MN1: variants seen among roughly 807,000 people sequenced by gnomAD.
MN1 encodes MN1 proto-oncogene, transcriptional regulator.
In MN1, 19 loss-of-function variants were observed where a neutral mutation model predicts 86.9. The ratio of observed to expected loss-of-function variants is 0.22; its 90% confidence interval spans 0.15 to 0.32. MN1 has a LOEUF of 0.32. Among genes scored for constraint, MN1 ranks in the 10% least tolerant of loss-of-function variants. The probability of loss-of-function intolerance (pLI) is 1.00; values close to 1 mark genes in which losing one functional copy is unlikely to be tolerated. For synonymous variants in MN1, 928 were observed against 849.6 expected (o/e 1.09, Z -1.60); for missense variants, 1,841 against 1,862.0 (o/e 0.99, Z 0.21).
Position 27,797,800 on chromosome 22 carries a change from C to T in MN1, c.2744G>A (p.Gly915Asp), listed in dbSNP as rs760644666. ...GGTGTAGTTGGGGGAGAGGCTGGTGCCGTCCCCCTGGGCTGGAGGGTTGGG... is the reference window on the plus strand; with the variant it reads ...GGTGTAGTTGGGGGAGAGGCTGGTGTCGTCCCCCTGGGCTGGAGGGTTGGG... ...GPPNPPAQGD[G>D]TSLSPNYTLE... The change falls in exon 1 of 2, where the codon GGC (glycine) becomes GAC (aspartate). Residue 915 changes from glycine (G) to aspartate (D), a missense_variant. Transcript: ENST00000302326. 3 of 1,595,366 alleles carry T rather than the reference C, an allele frequency of 1.9e-6. No homozygotes were observed. Among genetic ancestry groups the T allele is most frequent in the Non-Finnish European group, 2.6e-6 (3 of 1,172,954 alleles).
Position 27,797,948 on chromosome 22 carries a change from C to A in MN1, c.2596G>T (p.Asp866Tyr). Reference protein sequence around the residue: ...GKRKLSQNETDGAAVAGNPGS... With the variant: ...GKRKLSQNETYGAAVAGNPGS... ...GGGTTGCCGGCCACTGCCGCGCCGT[C>A]GGTCTCGTTCTGGCTCAGTTTCCTC... Residue 866 changes from aspartate (D) to tyrosine (Y), a missense_variant, in exon 1 of 2, where the codon GAC (aspartate) becomes TAC (tyrosine). Asp to Tyr is a radical substitution (Grantham distance 160). Transcript: ENST00000302326. 2 of 1,593,236 alleles carry A rather than the reference C, an allele frequency of 1.3e-6. No homozygotes were observed. The highest frequency in any genetic ancestry group is 1.7e-6 in the Non-Finnish European group (2 of 1,169,160).
chr22:27,761,758 C>T (rs568291227), intron 1 of MN1, among the ~76,000 whole-genome samples: 33 of 152,328 alleles, frequency 2.2e-4, no homozygotes, highest in African/African-American at 7.7e-4. Flanking sequence ...GCAGAGGCCT[C>T]GCGCCGGCCG....
In MN1 at chr22:27,800,281, A is replaced by G; in HGVS notation, c.263T>C (p.Val88Ala). The G allele has an allele frequency of 5.1e-6, 8 of 1,581,188 alleles. No homozygotes were observed. Among genetic ancestry groups the G allele is most frequent in the Non-Finnish European group, 6.9e-6 (8 of 1,164,048 alleles). The change falls in exon 1 of 2, where the codon GTG (valine) becomes GCG (alanine). Residue 88 changes from valine to alanine, a missense_variant. Coordinates refer to ENST00000302326, the MANE Select transcript of MN1 (RefSeq NM_002430.3). The part of the protein sequence containing the change: ...LHAGGLQAQP[V>A]HGFFGGQQPH... ...CTGCTGGCCGCCAAAGAAGCCGTGC[A>G]CAGGCTGCGCTTGCAGCCCCCCTGC...
intron 1 of MN1, among the ~76,000 whole-genome samples, chr22:27,774,772 G>C (rs1358372646): frequency 1.3e-5 from 2 of 152,170 alleles, no homozygotes; most frequent in African/African-American, 4.8e-5. Flanking sequence ...CTGAGGCTTA[G>C]ACATAGCAAC....
At chr22:27,782,552 A>G (rs1225809222) in intron 1 of MN1, among the ~76,000 whole-genome samples, 1 of 152,262 alleles carries the variant, frequency 6.6e-6, no homozygotes, top group Non-Finnish European at 1.5e-5. Context: ...CCTGGTATAT[A>G]GTCAGTGCTC....
intron 1 of MN1, among the ~76,000 whole-genome samples, chr22:27,792,191 C>A (rs901327090): frequency 2.0e-5 from 3 of 151,750 alleles, no homozygotes; most frequent in African/African-American, 7.3e-5. Context: ...CTAGAAACCT[C>A]AATAAACTAG....
chr22:27,771,305 G>A (rs1446554290), intron 1 of MN1, among the ~76,000 whole-genome samples: 1 of 138,044 alleles, frequency 7.2e-6, no homozygotes, highest in African/African-American at 2.8e-5. Context: ...CATAGCTCAT[G>A]CAACCTCTGT....
chr22:27,800,222 G>A lies in MN1; in HGVS notation c.322C>T (p.His108Tyr). 6.3e-7 allele frequency: 1 copy of A among 1,581,272 alleles called. No individual in the cohort carries two copies. Among genetic ancestry groups the A allele is most frequent in the Non-Finnish European group, 8.6e-7 (1 of 1,164,852 alleles). The change falls in exon 1 of 2, where the codon CAC becomes TAC. Residue 108 changes from histidine (H) to tyrosine (Y), a missense_variant. Coordinates refer to ENST00000302326, the MANE Select transcript of MN1 (RefSeq NM_002430.3). ...HHGHPGSHHP[H>Y]QHHPHFGGNF... is the part of the protein sequence containing the mutation. ...CCCCCAAAGTGGGGGTGATGCTGGT[G>A]GGGATGATGACTTCCCGGGTGGCCG...
At position 27,750,384 on chromosome 22, in the gene MN1, CCCGG is replaced by C. The variant is rs2123872730; in HGVS notation, c.*527_*530del. ...CATTGTGATGACAATTGGACTTTCA[CCCGG>C]CAATATTCCAGAACTACTATTCTCC... On this transcript the variant is annotated 3_prime_UTR_variant, in exon 2 of 2. Transcript: ENST00000302326. The C allele has an allele frequency of 4.3e-6, 1 of 231,178 alleles. No individual in the cohort carries two copies. Among genetic ancestry groups the C allele is most frequent in the Admixed American group, 5.6e-5 (1 of 17,724 alleles). The allele number at this position is 231,178 out of a possible 1,614,324, so 14.3% of individuals were successfully genotyped here. A position where few individuals can be genotyped will look rare whatever the true frequency, so the allele number is the denominator to read the frequency against.
chr22:27,786,646 C>T (rs1933137471), intron 1 of MN1, among the ~76,000 whole-genome samples: 1 of 152,100 alleles, frequency 6.6e-6, no homozygotes, highest in African/African-American at 2.4e-5. Context: ...GAAGGAAGCC[C>T]GTGTTCTTTG....
chr22:27,785,259 C>T lies in MN1; in HGVS notation c.3781+11504G>A, dbSNP rs117756789. Among the ~76,000 whole-genome samples the T allele has an allele frequency of 6.2e-3, 941 of 152,328 alleles. 5 individuals are homozygous for T. Among genetic ancestry groups the T allele is most frequent in the Non-Finnish European group, 0.01 (695 of 68,034 alleles). ...AAAAGCGAGAATAATCTAAACAATA[C>T]TTCCAAACAAACTGCTCGGAGTCTG... is the stretch of plus-strand genomic sequence containing the variant. On this transcript the variant is annotated intron_variant, in intron 1 of 1. Transcript: ENST00000302326.
intron 1 of MN1, among the ~76,000 whole-genome samples, chr22:27,774,833 G>T (rs573782711): frequency 6.6e-6 from 1 of 152,120 alleles, no homozygotes; most frequent in Non-Finnish European, 1.5e-5. Context: ...GCTCTGCCAG[G>T]TACCAACCTA....
chr22:27,793,429 A>G (rs1933242430), intron 1 of MN1, among the ~76,000 whole-genome samples: 1 of 150,506 alleles, frequency 6.6e-6, no homozygotes, highest in Non-Finnish European at 1.5e-5. Context: ...TTTTAAATCC[A>G]TATAATTCTC....
intron 1 of MN1, among the ~76,000 whole-genome samples, chr22:27,753,883 G>T (rs1368176158): frequency 1.3e-5 from 2 of 152,088 alleles, no homozygotes; most frequent in Non-Finnish European, 2.9e-5. Context: ...ATCTCCAAAG[G>T]AATTTTATTC....
chr22:27,792,895 C>T (rs1933233166), intron 1 of MN1, among the ~76,000 whole-genome samples: 1 of 152,116 alleles, frequency 6.6e-6, no homozygotes, highest in Admixed American at 6.5e-5. Context: ...ACCTGCCCCC[C>T]CGCCCCAAGT....
intron 1 of MN1, among the ~76,000 whole-genome samples, chr22:27,767,917 TCCCTTCAAAGGCA>T (rs1233093737): frequency 6.6e-6 from 1 of 152,182 alleles, no homozygotes; most frequent in East Asian, 1.9e-4. Context: ...CATCGGGTCC[TCCCTTCAAAGGCA>T]GGGACTGTTA....
intron 1 of MN1, among the ~76,000 whole-genome samples, chr22:27,781,072 A>G (rs1311619781): frequency 6.6e-6 from 1 of 152,148 alleles, no homozygotes; most frequent in Non-Finnish European, 1.5e-5. Context: ...CTGGGACTAC[A>G]GGTGTGCGCC....
chr22:27,754,643 C>G (rs548024318), intron 1 of MN1, among the ~76,000 whole-genome samples: 1 of 152,202 alleles, frequency 6.6e-6, no homozygotes, highest in African/African-American at 2.4e-5. Context: ...GCCCTCAGAC[C>G]GCGGCTCCCC....
intron 1 of MN1, among the ~76,000 whole-genome samples, chr22:27,774,430 G>C (rs1001119927): frequency 1.3e-5 from 2 of 152,156 alleles, no homozygotes; most frequent in African/African-American, 4.8e-5. Context: ...AACTTGCCCA[G>C]GGCCACACAG....
Sources: allele counts gnomAD v4.1 joint callset (sites outside exome capture counted in the v4.1 genomes callset), GRCh38; gene constraint gnomAD v4.1.1; transcripts MANE v1.5; gene names NCBI Gene and HGNC (gene_info 2026-07-23, HGNC 2026-07-21).